Variants in GRXCR1 observed in about 807,000 individuals in gnomAD.
The protein encoded by GRXCR1 is glutaredoxin domain-containing cysteine-rich protein 1.
A neutral mutation model predicts 27.3 loss-of-function variants in GRXCR1; 27 were observed. The observed-to-expected ratio is 0.99, with a 90% CI of 0.73 to 1.37. The LOEUF (loss-of-function observed/expected upper bound fraction) is 1.37, where lower values mean the gene tolerates loss of function less well. GRXCR1 is among the 40% of genes most tolerant of loss of function. The probability of loss-of-function intolerance (pLI) is 0.00; values close to 1 mark genes in which losing one functional copy is unlikely to be tolerated. For missense variants in GRXCR1, 379 were observed against 354.4 expected (o/e 1.07, Z -0.56); for synonymous variants, 122 against 131.1 (o/e 0.93, Z 0.47).
intron 2 of GRXCR1, among the ~76,000 whole-genome samples, chr4:43,008,583 T>C (rs1189826261): frequency 1.3e-5 from 2 of 152,254 alleles, no homozygotes; most frequent in Non-Finnish European, 2.9e-5. Flanking sequence ...CTAGTAAAAG[T>C]AATTTATTAA....
intron 2 of GRXCR1, among the ~76,000 whole-genome samples, chr4:42,994,909 A>C (rs1375530616): frequency 6.6e-6 from 1 of 152,118 alleles, no homozygotes; most frequent in Non-Finnish European, 1.5e-5. Flanking sequence ...GATATTTTAA[A>C]CATCAAAAAT....
At chr4:43,013,141 G>C (rs1187009817) in intron 2 of GRXCR1, among the ~76,000 whole-genome samples, 1 of 152,136 alleles carries the variant, frequency 6.6e-6, no homozygotes, top group Non-Finnish European at 1.5e-5. Flanking sequence ...CTTCCATTTG[G>C]CCCAGTATTC....
intron 1 of GRXCR1, among the ~76,000 whole-genome samples, chr4:42,951,004 C>T (rs898610195): frequency 4.6e-5 from 7 of 151,998 alleles, no homozygotes; most frequent in African/African-American, 1.7e-4. Context: ...ATTATGGAGG[C>T]TAAGAAGCCC....
chr4:43,009,395 ACTCT>A (rs1435536665), intron 2 of GRXCR1, among the ~76,000 whole-genome samples: 1 of 151,942 alleles, frequency 6.6e-6, no homozygotes, highest in Non-Finnish European at 1.5e-5. Context: ...CTGTCCTCCA[ACTCT>A]CTCTACTGTC....
At chr4:42,993,396 A>T (rs979707449) in intron 2 of GRXCR1, among the ~76,000 whole-genome samples, 2 of 152,038 alleles carry the variant, frequency 1.3e-5, no homozygotes, top group Non-Finnish European at 2.9e-5. Context: ...TCTTGTGTCA[A>T]TCTTTAAACT....
At chr4:42,965,423 C>G (rs1000191678) in intron 2 of GRXCR1, among the ~76,000 whole-genome samples, 9 of 152,112 alleles carry the variant, frequency 5.9e-5, no homozygotes, top group African/African-American at 2.2e-4. Flanking sequence ...GAATTCTCCT[C>G]CTATTAAAAT....
intron 2 of GRXCR1, among the ~76,000 whole-genome samples, chr4:42,992,853 A>T (rs1419370221): frequency 6.6e-6 from 1 of 152,130 alleles, no homozygotes; most frequent in East Asian, 1.9e-4. Context: ...TAAAAATGTT[A>T]AAAATTTTGT....
rs185658226 is a variant in GRXCR1, at chr4:43,023,726, T to C, written c.693+3307T>C. The stretch of plus-strand genomic sequence containing the variant: ...AGTGCCTAGAACAGGGATTGGGATA[T>C]CCCAGGCATACATAAATATTTTCTG... On this transcript the variant is annotated intron_variant, in intron 3 of 3. Coordinates refer to ENST00000399770, the MANE Select transcript of GRXCR1 (RefSeq NM_001080476.3). Among the ~76,000 whole-genome samples, 4 of 152,282 alleles carry C rather than the reference T, an allele frequency of 2.6e-5. No individual in the cohort carries two copies. In the East Asian group the frequency reaches 7.7e-4, roughly 29 times the overall value.
intron 2 of GRXCR1, among the ~76,000 whole-genome samples, chr4:42,990,931 C>CA (rs894022335): frequency 3.3e-5 from 5 of 152,030 alleles, no homozygotes; most frequent in African/African-American, 1.2e-4. Flanking sequence ...ACTTTTTCAT[C>CA]AAATACATAT....
intron 2 of GRXCR1, among the ~76,000 whole-genome samples, chr4:42,972,216 G>A (rs565658127): frequency 6.6e-6 from 1 of 152,094 alleles, no homozygotes; most frequent in East Asian, 1.9e-4. Flanking sequence ...TGAAATTTAG[G>A]TTTTTATTAC....
intron 2 of GRXCR1, among the ~76,000 whole-genome samples, chr4:42,996,087 G>A (rs1216400495): frequency 6.6e-6 from 1 of 152,114 alleles, no homozygotes; most frequent in Non-Finnish European, 1.5e-5. Context: ...TACTTTAGAA[G>A]CATGCACAAA....
At chr4:42,988,593 T>A (rs1711855864) in intron 2 of GRXCR1, among the ~76,000 whole-genome samples, 1 of 152,252 alleles carries the variant, frequency 6.6e-6, no homozygotes, top group South Asian at 2.1e-4. Flanking sequence ...ATATTTTTCC[T>A]TTGTAGAAGA....
intron 1 of GRXCR1, among the ~76,000 whole-genome samples, chr4:42,955,651 G>T (rs1277432290): frequency 6.6e-6 from 1 of 152,130 alleles, no homozygotes; most frequent in Non-Finnish European, 1.5e-5. Flanking sequence ...GTGAGGAATT[G>T]ATGAATATAA....
intron 1 of GRXCR1, among the ~76,000 whole-genome samples, chr4:42,941,467 C>T (rs1747619498): frequency 6.6e-6 from 1 of 151,794 alleles, no homozygotes; most frequent in Admixed American, 6.6e-5. Flanking sequence ...CTCATAGTTC[C>T]CACTATTCCC....
intron 2 of GRXCR1, among the ~76,000 whole-genome samples, chr4:42,987,069 G>A (rs13103779): frequency 0.05 from 7,469 of 149,308 alleles, 250 homozygotes; most frequent in African/African-American, 0.087. Context: ...AAAACATACT[G>A]CCTCACTACA....
intron 1 of GRXCR1, among the ~76,000 whole-genome samples, chr4:42,937,336 C>A (rs1033572060): frequency 1.4e-5 from 2 of 142,406 alleles, no homozygotes; most frequent in African/African-American, 5.5e-5. Context: ...TCCAGGCTCA[C>A]CTTGTGTTTT....
At chr4:42,896,808 G>A (rs1275271710) in intron 1 of GRXCR1, among the ~76,000 whole-genome samples, 1 of 152,070 alleles carries the variant, frequency 6.6e-6, no homozygotes, top group African/African-American at 2.4e-5. Context: ...AATGAGATAT[G>A]CAATGACTTG....
chr4:42,942,494 T>C (rs1013395070), intron 1 of GRXCR1, among the ~76,000 whole-genome samples: 1 of 152,064 alleles, frequency 6.6e-6, no homozygotes, highest in African/African-American at 2.4e-5. Context: ...ATAGGCAAAC[T>C]TTCTGTAGAA....
intron 2 of GRXCR1, among the ~76,000 whole-genome samples, chr4:42,985,135 A>T (rs1424496677): frequency 1.3e-5 from 2 of 152,062 alleles, no homozygotes; most frequent in East Asian, 1.9e-4. Flanking sequence ...TGGTTCCCTT[A>T]GTTCTTCTGA....
Sources: allele counts gnomAD v4.1 joint callset (sites outside exome capture counted in the v4.1 genomes callset), GRCh38; gene constraint gnomAD v4.1.1; transcripts MANE v1.5; gene names NCBI Gene and HGNC (gene_info 2026-07-23, HGNC 2026-07-21).